Variants in FTO observed in about 807,000 individuals in gnomAD.
FTO encodes FTO alpha-ketoglutarate dependent dioxygenase, also known as alpha-ketoglutarate-dependent dioxygenase FTO.
Under a neutral mutation model 63.9 loss-of-function variants are expected in FTO, and 47 were observed. That is an observed-to-expected ratio of 0.74 (90% confidence interval 0.58 to 0.94). FTO has a LOEUF of 0.94. FTO is among the 40% of genes least tolerant of loss of function. FTO has a pLI of 0.00. For missense variants in FTO, 562 were observed against 618.1 expected (o/e 0.91, Z 0.96); for synonymous variants, 207 against 224.4 (o/e 0.92, Z 0.69).
intron 1 of FTO, among the ~76,000 whole-genome samples, chr16:53,715,059 T>C (rs1057048683): frequency 3.3e-5 from 5 of 152,216 alleles, no homozygotes; most frequent in Non-Finnish European, 5.9e-5. Context: ...AATTACTTTT[T>C]ATAACTGAAA....
At chr16:54,094,377 G>A (rs777945153) in intron 8 of FTO, among the ~76,000 whole-genome samples, 4 of 152,126 alleles carry the variant, frequency 2.6e-5, no homozygotes, top group Admixed American at 6.5e-5. Flanking sequence ...AACTTCAGTC[G>A]GAGGACTTCA....
chr16:53,836,440 T>G (rs902667660), intron 3 of FTO, among the ~76,000 whole-genome samples: 1 of 152,166 alleles, frequency 6.6e-6, no homozygotes, highest in Non-Finnish European at 1.5e-5. Context: ...AAGAAGTAAT[T>G]TGTGTCTTCA....
intron 7 of FTO, among the ~76,000 whole-genome samples, chr16:53,899,760 T>A (rs2081357412): frequency 6.6e-6 from 1 of 152,096 alleles, no homozygotes; most frequent in African/African-American, 2.4e-5. Context: ...GGGACGGGAA[T>A]AGGGGAATAC....
intron 8 of FTO, chr16:54,070,519 A>G (rs2085844011): frequency 6.6e-6 from 1 of 152,172 alleles, no homozygotes; most frequent in East Asian, 1.9e-4. Context: ...CCAGAAAAAT[A>G]CTGGAAACCT....
chr16:53,809,777 A>G (rs750425171), intron 1 of FTO, among the ~76,000 whole-genome samples: 4 of 151,992 alleles, frequency 2.6e-5, no homozygotes, highest in Non-Finnish European at 5.9e-5. Flanking sequence ...CCTTGTCCCT[A>G]CTAAAAATAA....
chr16:54,088,685 G>C (rs1359762597), intron 8 of FTO, among the ~76,000 whole-genome samples: 1 of 152,200 alleles, frequency 6.6e-6, no homozygotes, highest in Non-Finnish European at 1.5e-5. Context: ...TCTCCTGTCA[G>C]AAATGCCCAA....
chr16:53,881,409 G>C (rs1474715119), intron 6 of FTO, among the ~76,000 whole-genome samples: 1 of 152,148 alleles, frequency 6.6e-6, no homozygotes, highest in African/African-American at 2.4e-5. Context: ...TTGTTCTAGA[G>C]GGAGAAACTC....
intron 1 of FTO, among the ~76,000 whole-genome samples, chr16:53,736,817 A>G (rs1391795370): frequency 6.6e-6 from 1 of 152,160 alleles, no homozygotes; most frequent in African/African-American, 2.4e-5. Flanking sequence ...GTCTCCTCCC[A>G]GTTCTGACAC....
chr16:53,719,253 C>CTTTTTTTTTTTTTTTT (rs10527186), intron 1 of FTO, among the ~76,000 whole-genome samples: 1 of 135,700 alleles, frequency 7.4e-6, no homozygotes, highest in East Asian at 2.6e-4. Context: ...TCTTCTTCTT[C>CTTTTTTTTTTTTTTTT]TTTTTTTTTT....
intron 8 of FTO, among the ~76,000 whole-genome samples, chr16:54,034,837 T>C (rs1248165124): frequency 6.6e-6 from 1 of 152,238 alleles, no homozygotes; most frequent in Non-Finnish European, 1.5e-5. Context: ...AGCTGGTCTC[T>C]GTAACTACTT....
intron 8 of FTO, among the ~76,000 whole-genome samples, chr16:54,080,287 A>G (rs1296720924): frequency 6.6e-6 from 1 of 152,172 alleles, no homozygotes; most frequent in Non-Finnish European, 1.5e-5. Context: ...GGCTATCACA[A>G]CAGTCACAGC....
intron 1 of FTO, among the ~76,000 whole-genome samples, chr16:53,808,827 A>G (rs2078438452): frequency 6.6e-6 from 1 of 152,196 alleles, no homozygotes; most frequent in East Asian, 1.9e-4. Flanking sequence ...AATGTGACTT[A>G]CTGGCTGACA....
intron 8 of FTO, among the ~76,000 whole-genome samples, chr16:53,997,819 G>A (rs1272695545): frequency 6.6e-6 from 1 of 151,906 alleles, no homozygotes; most frequent in African/African-American, 2.4e-5. Flanking sequence ...AAATGAGAGG[G>A]GAGAAAGGAA....
intron 8 of FTO, among the ~76,000 whole-genome samples, chr16:53,984,321 C>CCTTTTTTTTTTTTTTTTTTTTTTTTT: frequency 1.5e-5 from 1 of 67,290 alleles, no homozygotes; most frequent in African/African-American, 5.6e-5. Context: ...TGGAATGGGT[C>CCTTTTTTTTTTTTTTTTTTTTTTTTT]TTTTTTTTTT....
intron 1 of FTO, among the ~76,000 whole-genome samples, chr16:53,783,043 G>A (rs924315070): frequency 2.0e-5 from 3 of 151,358 alleles, no homozygotes; most frequent in Admixed American, 6.6e-5. Flanking sequence ...AACAAACATC[G>A]ATTGAACCTA....
intron 1 of FTO, among the ~76,000 whole-genome samples, chr16:53,784,129 A>G (rs183878897): frequency 9.2e-5 from 14 of 152,224 alleles, no homozygotes; most frequent in African/African-American, 3.4e-4. Flanking sequence ...TCGTCTTAAA[A>G]CCTGGACTTG....
chr16:53,829,365 G>A (rs752725159), intron 3 of FTO, among the ~76,000 whole-genome samples: 5 of 152,120 alleles, frequency 3.3e-5, no homozygotes, highest in East Asian at 1.9e-4. Flanking sequence ...TATCTTATTC[G>A]ATGAAACAGA....
chr16:53,994,715 T>C (rs78334763), intron 8 of FTO, among the ~76,000 whole-genome samples: 1 of 151,816 alleles, frequency 6.6e-6, no homozygotes, highest in East Asian at 1.9e-4. Flanking sequence ...GCCCTTCCTT[T>C]CTGTCAACTC....
At chr16:53,711,494 G>T (rs569503768) in intron 1 of FTO, 24 of 398,544 alleles carry the variant, frequency 6.0e-5, no homozygotes, top group Admixed American at 4.0e-4. Context: ...GTTTTATCAC[G>T]GGAGGACACG....
Sources: allele counts gnomAD v4.1 joint callset (sites outside exome capture counted in the v4.1 genomes callset), GRCh38; gene constraint gnomAD v4.1.1; transcripts MANE v1.5; gene names NCBI Gene and HGNC (gene_info 2026-07-23, HGNC 2026-07-21).